The following KALRN variants were observed in gnomAD, a reference collection of about 807,000 sequenced individuals.
KALRN encodes the protein kalirin.
A neutral mutation model predicts 353.7 loss-of-function variants in KALRN; 70 were observed. The observed-to-expected ratio is 0.20, with a 90% CI of 0.16 to 0.24. KALRN has a LOEUF of 0.24. KALRN is among the 10% of genes least tolerant of loss of function. KALRN has a pLI of 1.00. For missense variants in KALRN, 2,791 were observed against 3,756.7 expected, an observed-to-expected ratio of 0.74 and a Z score of 6.72; for synonymous variants, 1,391 against 1,434.8, an observed-to-expected ratio of 0.97 and a Z score of 0.69.
chr3:124,678,143 C>A, intron 49 of KALRN, 47 bp from the exon 50 acceptor site: 1 of 1,605,122 alleles, frequency 6.2e-7, no homozygotes, highest in South Asian at 1.1e-5. Context: ...CTCCACATCG[C>A]TGTCCCTGAC....
At chr3:124,675,408 C>T (rs1177486802) in intron 49 of KALRN, 1 of 151,912 alleles carries the variant, frequency 6.6e-6, no homozygotes, top group African/African-American at 2.4e-5. Context: ...AAATTTTCAC[C>T]ATGAGCATGT....
At chr3:124,185,159 G>A (rs2074064381) in intron 1 of KALRN, among the ~76,000 whole-genome samples, 1 of 152,186 alleles carries the variant, frequency 6.6e-6, no homozygotes, top group African/African-American at 2.4e-5. Flanking sequence ...GGGACTACAT[G>A]TTCATGCCAC....
At chr3:124,373,786 C>T (rs1255880466) in intron 10 of KALRN, among the ~76,000 whole-genome samples, 4 of 152,180 alleles carry the variant, frequency 2.6e-5, no homozygotes, top group African/African-American at 7.2e-5. Context: ...CTAATTATAT[C>T]TGCAACAACG....
intron 47 of KALRN, among the ~76,000 whole-genome samples, chr3:124,670,328 T>C (rs2086245141): frequency 6.6e-6 from 1 of 152,224 alleles, no homozygotes; most frequent in African/African-American, 2.4e-5. Context: ...TCCATGGTTG[T>C]GGAGCTCACA....
chr3:124,474,558 C>A lies in KALRN; in HGVS notation c.4032-105C>A, dbSNP rs558909362. On this transcript the variant is annotated intron_variant, in intron 25 of 59. Coordinates refer to ENST00000682506, the MANE Select transcript of KALRN (RefSeq NM_001388419.1). ...TCTATCACTTAGACAGTAGAGAAGC[C>A]ATGTATAAATAATTGAGAAGTTATG... 3.0e-5 allele frequency: 25 copies of A among 840,622 alleles called. No homozygotes were observed. In the Middle Eastern group the frequency reaches 1.1e-3, roughly 37 times the overall value. 52.1% of individuals were successfully genotyped at this position (840,622 alleles called of 1,614,324 possible).
chr3:124,645,697 C>T (rs1014520901), intron 37 of KALRN, among the ~76,000 whole-genome samples: 2 of 149,376 alleles, frequency 1.3e-5, no homozygotes, highest in Non-Finnish European at 3.0e-5. Context: ...TTTCTTTAAC[C>T]ATTTGTCCAT....
chr3:124,395,569 G>A, intron 12 of KALRN: 1 of 517,850 alleles, frequency 1.9e-6, no homozygotes, highest in South Asian at 3.1e-5. Context: ...CATTCAGGAT[G>A]TTATTCAGCC....
intron 10 of KALRN, among the ~76,000 whole-genome samples, chr3:124,379,238 A>T (rs928412322): frequency 2.6e-5 from 4 of 152,056 alleles, no homozygotes; most frequent in South Asian, 2.1e-4. Context: ...TTTTTTAAAA[A>T]TTTTTTTATT....
chr3:124,212,364 C>A (rs1197523943), intron 1 of KALRN, among the ~76,000 whole-genome samples: 1 of 151,642 alleles, frequency 6.6e-6, no homozygotes, highest in Non-Finnish European at 1.5e-5. Context: ...TTTAGCCTAA[C>A]CTATATAGTG....
chr3:124,518,291 G>A (rs1165387153), intron 33 of KALRN: 1 of 913,878 alleles, frequency 1.1e-6, no homozygotes, highest in Admixed American at 1.7e-5. Flanking sequence ...TAGAAATACA[G>A]TAGGTTGCAC....
intron 6 of KALRN, among the ~76,000 whole-genome samples, chr3:124,299,955 T>C (rs1423288155): frequency 6.6e-6 from 1 of 152,154 alleles, no homozygotes; most frequent in Non-Finnish European, 1.5e-5. Context: ...CTTGAATTAT[T>C]GGTCCAGAAG....
intron 51 of KALRN, among the ~76,000 whole-genome samples, chr3:124,686,559 G>A (rs1156509806): frequency 6.6e-6 from 1 of 152,064 alleles, no homozygotes; most frequent in East Asian, 1.9e-4. Context: ...GAGGTGCCTG[G>A]CACATGCTGA....
At chr3:124,237,642 C>T (rs1260883760) in intron 3 of KALRN, among the ~76,000 whole-genome samples, 1 of 152,176 alleles carries the variant, frequency 6.6e-6, no homozygotes, top group Non-Finnish European at 1.5e-5. Context: ...GGATTACAGG[C>T]ATGAGCCACC....
rs748906244 is a variant in KALRN, at chr3:124,661,918, A to G, written c.6335A>G (p.Gln2112Arg). ...CNDMMNLGRL[Q>R]GFEGTLTAQG... ...GACATGATGAATCTAGGACGTCTGC[A>G]GGGCTTTGAGGTGAGTCTTTAAGAA... Residue 2112 changes from glutamine (Q) to arginine (R), a missense_variant, in exon 45 of 60, where the codon CAG becomes CGG. This residue lies in a region of KALRN where 1,065 missense variants were observed against 1,156.4 expected (regional missense o/e 0.92). Transcript: ENST00000682506. The G allele has an allele frequency of 1.2e-6, 2 of 1,613,820 alleles. No homozygotes were observed. Among genetic ancestry groups the G allele is most frequent in the Admixed American group, 1.7e-5 (1 of 60,002 alleles).
rs536056433 is a variant in KALRN at position 124,197,467 on chromosome 3, C to T, written c.74-30523C>T. On this transcript the variant is annotated intron_variant, in intron 1 of 59. Transcript: ENST00000682506. ...ATCCTGTTTTCATTTTATCTTGTCT[C>T]GTAGATCCCAGATTCTACCAAACCA... Among the ~76,000 whole-genome samples, 5 of 152,306 alleles carry T rather than the reference C, an allele frequency of 3.3e-5. No homozygotes were observed. In the South Asian group the frequency reaches 1.0e-3, roughly 32 times the overall value.
intron 33 of KALRN, among the ~76,000 whole-genome samples, chr3:124,529,031 T>A (rs332415): frequency 6.6e-6 from 1 of 151,904 alleles, no homozygotes; most frequent in African/African-American, 2.4e-5. Context: ...TTTGAACTTA[T>A]ATGTACGTGT....
At chr3:124,438,437 C>A (rs532490630) in intron 17 of KALRN, among the ~76,000 whole-genome samples, 7 of 152,020 alleles carry the variant, frequency 4.6e-5, no homozygotes, top group Non-Finnish European at 7.4e-5. Context: ...GTAAACCATA[C>A]AACATAGGCA....
intron 10 of KALRN, among the ~76,000 whole-genome samples, chr3:124,380,043 A>G (rs968338217): frequency 2.0e-5 from 3 of 152,086 alleles, no homozygotes; most frequent in African/African-American, 7.2e-5. Flanking sequence ...TCTTCAATCT[A>G]CATTGCCTCT....
chr3:124,623,428 A>ACACACACACACACACACAC (rs1554055226), intron 34 of KALRN, among the ~76,000 whole-genome samples: 16 of 122,822 alleles, frequency 1.3e-4, no homozygotes, highest in South Asian at 5.4e-4. Flanking sequence ...ACACACACAC[A>ACACACACACACACACACAC]AAAGGGAGTT....
Sources: gnomAD v4.1 joint callset for allele counts (sites outside exome capture counted in the v4.1 genomes callset) on GRCh38, gnomAD v4.1.1 for gene constraint, gnomAD v4.1.1 regional missense constraint, MANE v1.5 for transcripts, NCBI Gene and HGNC (gene_info 2026-07-23, HGNC 2026-07-21) for gene names.